Variants in DAB2IP observed in about 807,000 individuals in gnomAD.
The protein encoded by DAB2IP is disabled homolog 2-interacting protein.
In DAB2IP, 28 loss-of-function variants were observed where a neutral mutation model predicts 107.2. That is an observed-to-expected ratio of 0.26 (90% CI 0.19 to 0.36). The LOEUF (loss-of-function observed/expected upper bound fraction) is 0.36. Among genes scored for constraint, DAB2IP ranks in the 10% least tolerant of loss-of-function variants. The pLI, the probability that DAB2IP is intolerant of heterozygous loss-of-function variation, is 1.00. For missense variants in DAB2IP, 1,400 were observed against 1,644.7 expected (o/e 0.85, Z 2.57); for synonymous variants, 755 against 706.4 (o/e 1.07, Z -1.09).
At chr9:121,625,069 C>A (rs1375372393) in intron 1 of DAB2IP, among the ~76,000 whole-genome samples, 2 of 152,132 alleles carry the variant, frequency 1.3e-5, no homozygotes, top group East Asian at 3.9e-4. Flanking sequence ...TGGCAGTCAG[C>A]CCCTCTGTGA....
intron 1 of DAB2IP, among the ~76,000 whole-genome samples, chr9:121,663,255 C>T (rs1467793327): frequency 2.0e-5 from 3 of 152,088 alleles, no homozygotes; most frequent in Non-Finnish European, 2.9e-5. Flanking sequence ...TAGGCTACAC[C>T]AGACTATTAA....
At chr9:121,737,600 G>A (rs1161763557) in intron 3 of DAB2IP, 27 of 985,440 alleles carry the variant, frequency 2.7e-5, no homozygotes, top group Non-Finnish European at 3.3e-5. Flanking sequence ...CCGGGCCGGA[G>A]GGGCTGCTCA....
In DAB2IP at chr9:121,712,321, C is replaced by T. The variant is rs180853238; in HGVS notation, c.362+12863C>T. Among the ~76,000 whole-genome samples, 143 of 152,358 alleles carry T rather than the reference C, an allele frequency of 9.4e-4. 1 individual carries two copies. The highest frequency in any genetic ancestry group is 3.4e-3 in the African/African-American group (140 of 41,580). ...TCTTGCTTTCTGTGGTCCCACTAAC[C>T]CTTTTTCTCTGAAGTGTGATCAGCT... On this transcript the variant is annotated intron_variant, in intron 3 of 15. Coordinates refer to ENST00000408936, the Ensembl canonical transcript of DAB2IP.
intron 2 of DAB2IP, among the ~76,000 whole-genome samples, chr9:121,696,792 C>T (rs980436924): frequency 6.6e-6 from 1 of 152,154 alleles, no homozygotes. Context: ...TATGCAGGGT[C>T]CTGAGCTGAG....
chr9:121,650,970 G>A (rs536173277), upstream of DAB2IP, among the ~76,000 whole-genome samples: 72 of 152,300 alleles, frequency 4.7e-4, no homozygotes, highest in Non-Finnish European at 9.0e-4. Context: ...CTTGAGCTGA[G>A]GAGTGACTTG....
chr9:121,649,089 C>T (rs966029303), upstream of DAB2IP, among the ~76,000 whole-genome samples: 2 of 152,170 alleles, frequency 1.3e-5, no homozygotes, highest in African/African-American at 4.8e-5. Context: ...CTAGCTCCTG[C>T]CCTGCCCCCT....
At chr9:121,770,305 C>T (rs1212765240) in intron 10 of DAB2IP, among the ~76,000 whole-genome samples, 4 of 152,208 alleles carry the variant, frequency 2.6e-5, no homozygotes, top group African/African-American at 7.2e-5. Context: ...ACTAGGTCAG[C>T]GTCTCCCACT....
intron 1 of DAB2IP, among the ~76,000 whole-genome samples, chr9:121,660,700 C>T (rs1833164904): frequency 6.6e-6 from 1 of 152,182 alleles, no homozygotes; most frequent in Non-Finnish European, 1.5e-5. Flanking sequence ...CATTTCACTT[C>T]AGTAACCCAT....
At chr9:121,585,599 A>G (rs112795592) in intron 1 of DAB2IP, among the ~76,000 whole-genome samples, 15 of 152,178 alleles carry the variant, frequency 9.9e-5, no homozygotes, top group African/African-American at 3.6e-4. Context: ...GCTCACGCCT[A>G]TAATCCCAGC....
intron 2 of DAB2IP, among the ~76,000 whole-genome samples, chr9:121,681,286 C>A (rs1042890835): frequency 3.9e-5 from 6 of 152,216 alleles, no homozygotes; most frequent in Non-Finnish European, 8.8e-5. Flanking sequence ...ATCAGCATCG[C>A]TTTTCCGGCT....
chr9:121,645,185 AC>A (rs895889987), intron 1 of DAB2IP, among the ~76,000 whole-genome samples: 1 of 152,184 alleles, frequency 6.6e-6, no homozygotes, highest in Non-Finnish European at 1.5e-5. Flanking sequence ...CCCAGGGCCC[AC>A]CTGGAGCTTG....
rs1218247667 is a variant in DAB2IP at position 121,760,358 on chromosome 9, C to T, written c.1089C>T (p.Leu363=). 1.6e-5 allele frequency: 26 copies of T among 1,612,318 alleles called. 1 individual carries two copies. Among genetic ancestry groups the T allele is most frequent in the South Asian group, 6.6e-5 (6 of 91,076 alleles). ...ACTACCTGGGGCTGTGTGCAGCCCT[C>T]GAGCCCATCCTCAGTGCCAAGACCA... is the stretch of plus-strand genomic sequence containing the variant. Residue 363 remains leucine, a synonymous_variant, in exon 6 of 16, where the codon CTC becomes CTT. Transcript: ENST00000408936. This position sits in a 1 kb window ranked among gnomAD's most constrained non-coding sequence, Gnocchi z 5.9.
Position 121,690,680 on chromosome 9 carries a change from C to T in DAB2IP, c.229-8645C>T, listed in dbSNP as rs76660117. The stretch of plus-strand genomic sequence containing the variant: ...GCAGGTACCAGGAGGGCTCTGCTGA[C>T]GTCCTCAGCTCCCCTCCCAGCTTCA... On this transcript the variant is annotated intron_variant, in intron 2 of 15. Transcript: ENST00000408936. 7.5e-3 allele frequency among the ~76,000 whole-genome samples: 1,148 copies of T among 152,314 alleles called. 13 individuals carry two copies. Among genetic ancestry groups the T allele is most frequent in the African/African-American group, 0.026 (1,099 of 41,542 alleles).
chr9:121,621,171 G>T lies in DAB2IP; in HGVS notation c.40+53943G>T, dbSNP rs569227224. Among the ~76,000 whole-genome samples the T allele has an allele frequency of 6.8e-4, 103 of 152,234 alleles. 1 individual carries two copies. The highest frequency in any genetic ancestry group is 2.4e-3 in the African/African-American group (98 of 41,554). ...CCATCCCTGCCCTCACTGCCCATTA[G>T]GGGACAGCCCAGCCACAGCCCCTTC... On this transcript the variant is annotated intron_variant, in intron 1 of 16. Transcript: ENST00000259371.
At position 121,773,325 on chromosome 9, in the gene DAB2IP, G is replaced by A. The variant is rs201889776; in HGVS notation, c.2797G>A (p.Gly933Ser). 7.3e-5 allele frequency: 96 copies of A among 1,320,548 alleles called. No homozygotes were observed. The East Asian group carries it at 1.6e-3, about 22-fold the overall frequency. The allele number at this position is 1,320,548 out of a possible 1,614,324, so 81.8% of individuals were successfully genotyped here. A position where few individuals can be genotyped will look rare whatever the true frequency, so the allele number is the denominator to read the frequency against. ...CCCGCCGCCACCTCCTGCCCCCCGC[G>A]GCCGGACGCCCCCCAACCTGCTGAG... The change falls in exon 12 of 16, where the codon GGC becomes AGC. Residue 933 changes from glycine to serine, a missense_variant. Coordinates refer to ENST00000408936, the Ensembl canonical transcript of DAB2IP.
intron 2 of DAB2IP, among the ~76,000 whole-genome samples, chr9:121,681,680 T>TA (rs1405810291): frequency 1.3e-5 from 2 of 152,224 alleles, no homozygotes; most frequent in South Asian, 4.1e-4. Context: ...GCCGGACATC[T>TA]ACGTTTTGTG....
chr9:121,595,369 G>C (rs1830507120), intron 1 of DAB2IP, among the ~76,000 whole-genome samples: 1 of 152,144 alleles, frequency 6.6e-6, no homozygotes, highest in African/African-American at 2.4e-5. Context: ...GAAGCAGGAG[G>C]ATCGTTTGGG....
At chr9:121,703,810 G>A (rs1449949761) in intron 3 of DAB2IP, among the ~76,000 whole-genome samples, 1 of 152,160 alleles carries the variant, frequency 6.6e-6, no homozygotes, top group Non-Finnish European at 1.5e-5. Context: ...TCCACAGTGT[G>A]GGAATAATAA....
intron 14 of DAB2IP, among the ~76,000 whole-genome samples, chr9:121,780,370 C>T (rs1276088750): frequency 2.0e-5 from 3 of 152,148 alleles, no homozygotes; most frequent in Non-Finnish European, 4.4e-5. Context: ...AGTTAGTGCT[C>T]CCTGAACTGC....
Sources: gnomAD v4.1 joint callset for allele counts (sites outside exome capture counted in the v4.1 genomes callset) on GRCh38, gnomAD v4.1.1 for gene constraint, Gnocchi (gnomAD v3.1) non-coding constraint, MANE v1.5 for transcripts, NCBI Gene and HGNC (gene_info 2026-07-23, HGNC 2026-07-21) for gene names.